The following DST variants were observed in gnomAD, a reference collection of about 807,000 sequenced individuals.
DST encodes the protein dystonin.
Under a neutral mutation model 875.2 loss-of-function variants are expected in DST, and 253 were observed. That is an observed-to-expected ratio of 0.29 (90% CI 0.26 to 0.32). The LOEUF (loss-of-function observed/expected upper bound fraction) is 0.32. Among genes scored for constraint, DST ranks in the 10% least tolerant of loss-of-function variants. The pLI is 1.00. For synonymous variants in DST, 3,124 were observed against 3,197.1 expected, an observed-to-expected ratio of 0.98 and a Z score of 0.77; for missense variants, 8,287 against 9,111.6, an observed-to-expected ratio of 0.91 and a Z score of 3.68.
intron 4 of DST, among the ~76,000 whole-genome samples, chr6:56,787,007 G>A (rs1185411290): frequency 6.6e-6 from 1 of 152,214 alleles, no homozygotes; most frequent in Non-Finnish European, 1.5e-5. Flanking sequence ...AGGATTATTA[G>A]TCACCATGTG....
At chr6:56,743,788 A>G (rs572883906) in intron 4 of DST, among the ~76,000 whole-genome samples, 1 of 152,324 alleles carries the variant, frequency 6.6e-6, no homozygotes, top group African/African-American at 2.4e-5. Flanking sequence ...AGTTTGTAAA[A>G]GCCTACTCAA....
Position 56,620,603 on chromosome 6 carries a change from T to C in DST, c.4929+3927A>G. ...TTTCTTTAGTTCAGCTACCATTCTT[T>C]CCAACTCACTTATCTTTCCTGTAAG... On this transcript the variant is annotated intron_variant, in intron 36 of 103. Transcript: ENST00000680361. 2 of 1,614,086 alleles carry C rather than the reference T, an allele frequency of 1.2e-6. No homozygotes were observed. The highest frequency in any genetic ancestry group is 1.7e-6 in the Non-Finnish European group (2 of 1,180,032).
chr6:56,572,097 T>TA lies in DST; in HGVS notation c.13721+2dup, dbSNP rs1209737890. On this transcript the variant is annotated splice_region_variant and intron_variant, in intron 53 of 103. Transcript: ENST00000680361. ...AAAATATAATTTTTAAAGTGGTACT[T>TA]ACTTTTCTTTGATGGTATCCTCCAT... The TA allele has an allele frequency of 2.1e-6, 3 of 1,453,348 alleles. No individual in the cohort carries two copies. The highest frequency in any genetic ancestry group is 5.1e-5 in the East Asian group (2 of 38,956). The allele number at this position is 1,453,348 out of a possible 1,614,324, so 90.0% of individuals were successfully genotyped here. A position where few individuals can be genotyped will look rare whatever the true frequency, so the allele number is the denominator to read the frequency against.
chr6:56,514,613 C>CACACA (rs1562489040), intron 72 of DST, among the ~76,000 whole-genome samples: 7 of 90,524 alleles, frequency 7.7e-5, no homozygotes, highest in African/African-American at 1.7e-4. Flanking sequence ...ACACACACAC[C>CACACA]CCCTCATGCG....
Position 56,466,380 on chromosome 6 carries a change from C to T in DST, c.22570-185G>A, listed in dbSNP as rs2094576571. 7.5e-6 allele frequency: 3 copies of T among 398,590 alleles called. No homozygotes were observed. In the East Asian group the frequency reaches 1.1e-4, roughly 14 times the overall value. 24.7% of individuals were successfully genotyped at this position (398,590 alleles called of 1,614,324 possible). On this transcript the variant is annotated intron_variant, in intron 98 of 103. Coordinates refer to ENST00000680361, the MANE Select transcript of DST (RefSeq NM_001374736.1). Reference sequence around the variant, plus strand: ...TTAGACGGCTGCATGCTGATTTAGCCCAAAGGAAACAGTTTGAAAAAAAAA... The same window carrying T: ...TTAGACGGCTGCATGCTGATTTAGCTCAAAGGAAACAGTTTGAAAAAAAAA...
chr6:56,583,242 G>T (rs1419881625), intron 49 of DST, among the ~76,000 whole-genome samples: 9 of 152,060 alleles, frequency 5.9e-5, no homozygotes, highest in South Asian at 4.1e-4. Context: ...TTTCTCCACA[G>T]CCTCTCCAGC....
chr6:56,633,204 T>G (rs893220540), intron 27 of DST, among the ~76,000 whole-genome samples, 167 bp from the exon 28 acceptor site: 2 of 151,654 alleles, frequency 1.3e-5, no homozygotes, highest in African/African-American at 4.9e-5. Context: ...GGTTTTTTTT[T>G]GTTTTTTGTT....
At chr6:56,895,760 A>C in intron 3 of DST, among the ~76,000 whole-genome samples, 1 of 1,256 alleles carries the variant, frequency 8.0e-4, no homozygotes, top group African/African-American at 5.7e-3. Flanking sequence ...TCCATCTGCA[A>C]TCCCGGCACC....
At chr6:56,926,914 C>A (rs1807486846) in intron 2 of DST, among the ~76,000 whole-genome samples, 1 of 152,110 alleles carries the variant, frequency 6.6e-6, no homozygotes, top group Non-Finnish European at 1.5e-5. Flanking sequence ...AGAGCATATT[C>A]ATAATTCTAT....
chr6:56,512,709 A>G (rs2096501630), intron 72 of DST, among the ~76,000 whole-genome samples: 1 of 152,216 alleles, frequency 6.6e-6, no homozygotes, highest in Non-Finnish European at 1.5e-5. Context: ...AATTATGAGC[A>G]TTATTTTGAG....
At chr6:56,595,006 G>A (rs546478829) in intron 47 of DST, among the ~76,000 whole-genome samples, 1 of 152,170 alleles carries the variant, frequency 6.6e-6, no homozygotes, top group African/African-American at 2.4e-5. Context: ...AAGCAGGGAG[G>A]CATCAGGTAG....
In DST at chr6:56,640,281, T is replaced by A; in HGVS notation, c.2352A>T (p.Pro784=). 1 of 1,614,210 alleles carries A rather than the reference T, an allele frequency of 6.2e-7. No homozygotes were observed. Among genetic ancestry groups the A allele is most frequent in the East Asian group, 2.2e-5 (1 of 44,886 alleles). ...TCAACTTCAAAGTTTGCAATGAATT[T>A]GGCTCTACTCCTGAACTGAAATTTG... ...LVPNFSSGVE[P]NSLQTLKLMQ... Residue 784 remains proline, a synonymous_variant, in exon 18 of 104, where the codon CCA becomes CCT. Coordinates refer to ENST00000680361, the MANE Select transcript of DST (RefSeq NM_001374736.1).
At chr6:56,673,161 C>T (rs1156516517) in intron 9 of DST, among the ~76,000 whole-genome samples, 1 of 152,062 alleles carries the variant, frequency 6.6e-6, no homozygotes, top group Admixed American at 6.6e-5. Context: ...AGGCAGATCG[C>T]CTGAGTCTAG....
At chr6:56,762,076 A>G (rs765603698) in intron 4 of DST, among the ~76,000 whole-genome samples, 17 of 151,910 alleles carry the variant, frequency 1.1e-4, no homozygotes, top group Non-Finnish European at 2.4e-4. Flanking sequence ...ACTGGAGTGC[A>G]ATGGTGAAAT....
Position 56,517,479 on chromosome 6 carries a change from A to G in DST, c.18249+22T>C, listed in dbSNP as rs751330844. On this transcript the variant is annotated intron_variant, in intron 70 of 103. Coordinates refer to ENST00000680361, the MANE Select transcript of DST (RefSeq NM_001374736.1). Reference sequence around the variant, plus strand: ...CACACCAGCAAATAATTCATATGGCAATTGGAAATGTATTTCTTCACCTTT... The same window carrying G: ...CACACCAGCAAATAATTCATATGGCGATTGGAAATGTATTTCTTCACCTTT... The G allele has an allele frequency of 1.9e-6, 3 of 1,608,664 alleles. No individual in the cohort carries two copies. The South Asian group carries it at 3.3e-5, about 18-fold the overall frequency.
chr6:56,528,405 T>C (rs2096838597), intron 67 of DST, among the ~76,000 whole-genome samples: 1 of 152,218 alleles, frequency 6.6e-6, no homozygotes, highest in South Asian at 2.1e-4. Flanking sequence ...CTAAACTATG[T>C]ATCAGTTTTC....
At chr6:56,613,051 G>C (rs1017745694) in intron 37 of DST, among the ~76,000 whole-genome samples, 2 of 151,788 alleles carry the variant, frequency 1.3e-5, no homozygotes, top group Non-Finnish European at 2.9e-5. Flanking sequence ...ATATACACAT[G>C]AAACTACAGA....
chr6:56,572,262 G>A lies in DST; in HGVS notation c.13559C>T (p.Ser4520Leu), dbSNP rs2097790461. 2 of 1,553,792 alleles carry A rather than the reference G, an allele frequency of 1.3e-6. No individual in the cohort carries two copies. Among genetic ancestry groups the A allele is most frequent in the Admixed American group, 1.9e-5 (1 of 53,372 alleles). The change falls in exon 53 of 104, where the codon TCA becomes TTA. Residue 4520 changes from serine to leucine, a missense_variant. Ser to Leu is a moderately radical substitution (Grantham distance 145). Coordinates refer to ENST00000680361, the MANE Select transcript of DST (RefSeq NM_001374736.1). Reference sequence around the variant, plus strand: ...CTTGTGTTCTAAAAATTCAGAAGTTGATTCCTACAAAGCATTAAGATATTC... The same window carrying A: ...CTTGTGTTCTAAAAATTCAGAAGTTAATTCCTACAAAGCATTAAGATATTC... ...VTELSQYMQE[S>L]TSEFLEHKKH...
At chr6:56,815,092 C>T (rs1436983870) in intron 4 of DST, among the ~76,000 whole-genome samples, 2 of 152,144 alleles carry the variant, frequency 1.3e-5, no homozygotes, top group African/African-American at 4.8e-5. Flanking sequence ...CCCATTTCCT[C>T]ATCCATAAAA....
Sources: allele counts gnomAD v4.1 joint callset (sites outside exome capture counted in the v4.1 genomes callset), GRCh38; gene constraint gnomAD v4.1.1; transcripts MANE v1.5; gene names NCBI Gene and HGNC (gene_info 2026-07-23, HGNC 2026-07-21).